Variants in OGDH observed in about 807,000 individuals in gnomAD.
The protein encoded by OGDH is 2-oxoglutarate dehydrogenase complex component E1.
OGDH carries 38 observed loss-of-function variants against 116.6 expected under a neutral mutation model. That is an observed-to-expected ratio of 0.33 (90% CI 0.25 to 0.43). The LOEUF is 0.43. Ranked by LOEUF, OGDH falls within the 20% of genes least tolerant of loss-of-function variation. OGDH has a pLI of 1.00. For missense variants in OGDH, 825 were observed against 1,357.2 expected (o/e 0.61, Z 6.16); for synonymous variants, 488 against 533.3 (o/e 0.92, Z 1.17).
In OGDH at chr7:44,707,834, A is replaced by C; in HGVS notation, c.2952-45A>C. On this transcript the variant is annotated intron_variant, in intron 22 of 22. Coordinates refer to ENST00000222673, the MANE Select transcript of OGDH (RefSeq NM_002541.4). The surrounding 1 kb of genome is among the most constrained non-coding windows in gnomAD (Gnocchi z 5.2). Reference sequence around the variant, plus strand: ...TGCAGCAGAGGGATGGGCTGGGCCAACTCAGTGTCCCCTGCCCTCACTGCC... The same window carrying C: ...TGCAGCAGAGGGATGGGCTGGGCCACCTCAGTGTCCCCTGCCCTCACTGCC... 1.2e-6 allele frequency: 2 copies of C among 1,608,436 alleles called. No homozygotes were observed. The highest frequency in any genetic ancestry group is 1.7e-6 in the Non-Finnish European group (2 of 1,177,060).
chr7:44,621,258 G>A (rs1784997973), intron 1 of OGDH, among the ~76,000 whole-genome samples: 1 of 152,062 alleles, frequency 6.6e-6, no homozygotes, highest in Admixed American at 6.5e-5. Flanking sequence ...ATTTTTTGTG[G>A]AGATGTGGTT....
intron 4 of OGDH, among the ~76,000 whole-genome samples, chr7:44,658,383 G>C (rs1344684427): frequency 1.3e-5 from 2 of 149,070 alleles, no homozygotes; most frequent in Non-Finnish European, 3.0e-5. Context: ...TTCATTGGTA[G>C]TATATAGAAA....
chr7:44,694,153 G>A lies in OGDH; in HGVS notation c.1515+149G>A, dbSNP rs1788482178. 7.2e-6 allele frequency: 7 copies of A among 972,134 alleles called. No individual in the cohort carries two copies. The highest frequency in any genetic ancestry group is 7.0e-5 in the South Asian group (4 of 57,314). 60.2% of individuals were successfully genotyped at this position (972,134 alleles called of 1,614,324 possible). A position where few individuals can be genotyped will look rare whatever the true frequency, so the allele number is the denominator to read the frequency against. On this transcript the variant is annotated intron_variant, in intron 11 of 22. Transcript: ENST00000222673. This position sits in a 1 kb window ranked among gnomAD's most constrained non-coding sequence, Gnocchi z 4.2. ...CCAGGCCTCATGCTGGTTCCTTTGA[G>A]CTCCAAATAGTTCAGGCCTGTAAGC...
chr7:44,677,925 T>C (rs1787770288), intron 9 of OGDH, among the ~76,000 whole-genome samples: 1 of 150,552 alleles, frequency 6.6e-6, no homozygotes, highest in Non-Finnish European at 1.5e-5. Flanking sequence ...TTTACCAGGC[T>C]CTATAATTTT....
At chr7:44,656,184 C>T (rs1031125974) in intron 4 of OGDH, 6 of 771,198 alleles carry the variant, frequency 7.8e-6, no homozygotes, top group South Asian at 1.6e-5. Context: ...GTGTGTGTGT[C>T]CCTGTGATGG....
At chr7:44,696,648 A>G (rs1788594356) in intron 14 of OGDH, 91 bp downstream of exon 14, 1 of 1,533,806 alleles carries the variant, frequency 6.5e-7, no homozygotes, top group Non-Finnish European at 8.9e-7. Context: ...CCCACCCATC[A>G]TGTGTCCTAC....
Position 44,707,238 on chromosome 7 carries a change from G to A in OGDH, c.2646G>A (p.Gln882=). The part of the protein sequence containing the change: ...FDEMLPGTHF[Q]RVIPEDGPAA... ...ACTCTCTTGTAGGAACCCACTTCCA[G>A]CGGGTGATCCCAGAAGATGGCCCTG... The change falls in exon 21 of 23, where the codon CAG becomes CAA. Residue 882 remains glutamine (Q), a synonymous_variant. Coordinates refer to ENST00000222673, the MANE Select transcript of OGDH (RefSeq NM_002541.4). This position sits in a 1 kb window ranked among gnomAD's most constrained non-coding sequence, Gnocchi z 5.2. 6.2e-7 allele frequency: 1 copy of A among 1,614,200 alleles called. No homozygotes were observed.
At position 44,700,177 on chromosome 7, in the gene OGDH, T is replaced by C; in HGVS notation, c.2467T>C (p.Tyr823His). ...KEANFDINQL[Y>H]DCNWVVVNCS... ...AGCCAACTTCGACATCAATCAGCTA[T>C]ATGACTGCAATTGGGTTGTTGTCAA... Residue 823 changes from tyrosine (Y) to histidine (H), a missense_variant, in exon 19 of 23, where the codon TAT (tyrosine) becomes CAT (histidine). Physicochemically the swap from Tyr to His is moderately conservative, Grantham distance 83. Coordinates refer to ENST00000222673, the MANE Select transcript of OGDH (RefSeq NM_002541.4). 1 of 1,614,210 alleles carries C rather than the reference T, an allele frequency of 6.2e-7. No individual in the cohort carries two copies. Among genetic ancestry groups the C allele is most frequent in the Non-Finnish European group, 8.5e-7 (1 of 1,180,026 alleles).
intron 4 of OGDH, among the ~76,000 whole-genome samples, chr7:44,649,245 G>GTTTTT (rs373846462): frequency 2.6e-4 from 25 of 97,704 alleles, no homozygotes; most frequent in East Asian, 1.0e-3. Flanking sequence ...ATTTTCTGTT[G>GTTTTT]TTTTTTTTTT....
intron 5 of OGDH, among the ~76,000 whole-genome samples, chr7:44,671,010 CAAAAAAA>C (rs111818473): frequency 0.012 from 815 of 68,638 alleles, 9 homozygotes; most frequent in African/African-American, 0.031. Flanking sequence ...GACTCCATCT[CAAAAAAA>C]AAAAAAAAAA....
In OGDH at chr7:44,701,446, T is replaced by C. The variant is rs371805968; in HGVS notation, c.2560-97T>C. 36 of 1,011,994 alleles carry C rather than the reference T, an allele frequency of 3.6e-5. 1 individual carries two copies. The highest frequency in any genetic ancestry group is 1.5e-4 in the East Asian group (6 of 40,396). The allele number at this position is 1,011,994 out of a possible 1,614,324, so 62.7% of individuals were successfully genotyped here. ...TGAGTGGGAGGGCAGGTGTGTTTCA[T>C]GGCCTGAAGGTCAAGGCTTGGGTAG... On this transcript the variant is annotated intron_variant, in intron 19 of 22. Transcript: ENST00000222673.
chr7:44,688,666 A>C (rs1788237937), intron 10 of OGDH, among the ~76,000 whole-genome samples: 1 of 151,606 alleles, frequency 6.6e-6, no homozygotes, highest in African/African-American at 2.4e-5. Flanking sequence ...TCCTGACCTC[A>C]TGATCCGCCA....
chr7:44,657,285 C>T (rs1786732658), intron 4 of OGDH, among the ~76,000 whole-genome samples: 1 of 152,178 alleles, frequency 6.6e-6, no homozygotes, highest in Non-Finnish European at 1.5e-5. Flanking sequence ...CCCTGGCAAC[C>T]ACTATTTTGT....
rs570562205 is a variant in OGDH, at chr7:44,659,187, G to A, written c.518-7549G>A. ...ATTTAATGCTAATGTCGTGGTAGAC[G>A]ATTTAATGCTAATGTCGTGGATTGT... On this transcript the variant is annotated intron_variant, in intron 4 of 22. Transcript: ENST00000222673. 1.8e-4 allele frequency among the ~76,000 whole-genome samples: 28 copies of A among 152,232 alleles called. 2 individuals carry two copies. The South Asian group carries it at 5.2e-3, about 28-fold the overall frequency.
chr7:44,700,828 C>T (rs1788796165), intron 19 of OGDH, among the ~76,000 whole-genome samples: 1 of 152,088 alleles, frequency 6.6e-6, no homozygotes, highest in South Asian at 2.1e-4. Context: ...CTGGCTAGCA[C>T]AGTGAAACCC....
chr7:44,703,958 A>G (rs550134247), intron 20 of OGDH, among the ~76,000 whole-genome samples: 21 of 152,070 alleles, frequency 1.4e-4, no homozygotes, highest in Non-Finnish European at 2.4e-4. Context: ...TCATCTGTCG[A>G]TGGACACTTG....
intron 18 of OGDH, among the ~76,000 whole-genome samples, chr7:44,698,623 A>G (rs1788692874): frequency 6.6e-6 from 1 of 152,024 alleles, no homozygotes; most frequent in South Asian, 2.1e-4. Context: ...ATTCCAGTGA[A>G]ACTTTAAGAA....
At chr7:44,651,477 C>T (rs114392923) in intron 4 of OGDH, among the ~76,000 whole-genome samples, 174 of 152,202 alleles carry the variant, frequency 1.1e-3, no homozygotes, top group African/African-American at 3.9e-3. Context: ...ACACTCTTGC[C>T]CTCAGTTTTA....
rs757261650 is a variant in OGDH at position 44,707,965 on chromosome 7, C to T, written c.3038C>T (p.Ala1013Val). Residue 1013 changes from alanine to valine, a missense_variant, in exon 23 of 23, where the codon GCC becomes GTC. Ala to Val is a moderately conservative substitution (Grantham distance 64, BLOSUM62 0). This residue lies in a region of OGDH where 212 missense variants were observed against 284.3 expected (regional missense o/e 0.75). Transcript: ENST00000222673. The surrounding 1 kb of genome is among the most constrained non-coding windows in gnomAD (Gnocchi z 5.2). ...GAGCTGCAGCGCCTCCTGGACACGGCCTTCGACCTGGACGTCTTCAAGAAC... is the reference window on the plus strand; with the variant it reads ...GAGCTGCAGCGCCTCCTGGACACGGTCTTCGACCTGGACGTCTTCAAGAAC... Reference protein sequence around the residue: ...LTELQRLLDTAFDLDVFKNFS With the variant: ...LTELQRLLDTVFDLDVFKNFS 1 of 1,613,828 alleles carries T rather than the reference C, an allele frequency of 6.2e-7. No individual in the cohort carries two copies. Among genetic ancestry groups the T allele is most frequent in the Admixed American group, 1.7e-5 (1 of 60,024 alleles).
Sources: gnomAD v4.1 joint callset for allele counts (sites outside exome capture counted in the v4.1 genomes callset) on GRCh38, gnomAD v4.1.1 for gene constraint, gnomAD v4.1.1 regional missense constraint, Gnocchi (gnomAD v3.1) non-coding constraint, MANE v1.5 for transcripts, NCBI Gene and HGNC (gene_info 2026-07-23, HGNC 2026-07-21) for gene names.